Variants in GPC6 observed in about 807,000 individuals in gnomAD.
GPC6 encodes glypican 6.
GPC6 carries 14 observed loss-of-function variants against 55.2 expected under a neutral mutation model. The observed-to-expected ratio is 0.25, with a 90% CI of 0.17 to 0.40. The LOEUF is 0.40. GPC6 is among the 10% of genes least tolerant of loss of function. The pLI, the probability that GPC6 is intolerant of heterozygous loss-of-function variation, is 1.00. For synonymous variants in GPC6, 278 were observed against 259.6 expected (o/e 1.07, Z -0.68); for missense variants, 641 against 708.5 (o/e 0.90, Z 1.08).
At chr13:94,089,839 T>A (rs1429523088) in intron 4 of GPC6, among the ~76,000 whole-genome samples, 1 of 152,050 alleles carries the variant, frequency 6.6e-6, no homozygotes, top group Non-Finnish European at 1.5e-5. Flanking sequence ...CAAATAAATT[T>A]TAGCAAGCAG....
At chr13:94,029,931 TG>T (rs1883048288) in intron 4 of GPC6, among the ~76,000 whole-genome samples, 1 of 152,114 alleles carries the variant, frequency 6.6e-6, no homozygotes, top group South Asian at 2.1e-4. Flanking sequence ...TATGTGTTGC[TG>T]GATGTACTTT....
chr13:94,025,068 A>T (rs1434014159), intron 3 of GPC6, among the ~76,000 whole-genome samples: 1 of 152,246 alleles, frequency 6.6e-6, no homozygotes, highest in Non-Finnish European at 1.5e-5. Flanking sequence ...TCTCAAATTT[A>T]TATCCCCAAT....
At chr13:94,152,102 T>C (rs375612430) in intron 4 of GPC6, among the ~76,000 whole-genome samples, 2 of 152,282 alleles carry the variant, frequency 1.3e-5, no homozygotes, top group African/African-American at 4.8e-5. Flanking sequence ...TGAATTTGAA[T>C]AATGCAGGTA....
chr13:93,432,991 AAAAG>A (rs1877424829), intron 1 of GPC6, among the ~76,000 whole-genome samples: 1 of 152,058 alleles, frequency 6.6e-6, no homozygotes, highest in Non-Finnish European at 1.5e-5. Context: ...AGAAGAGAGA[AAAAG>A]AAAGACTCTC....
At chr13:94,246,668 T>C (rs1594094437) in intron 4 of GPC6, among the ~76,000 whole-genome samples, 1 of 152,126 alleles carries the variant, frequency 6.6e-6, no homozygotes, top group East Asian at 1.9e-4. Flanking sequence ...TAGTTGATTA[T>C]ATATGTTTAA....
chr13:93,782,643 T>C (rs750939141), intron 2 of GPC6, among the ~76,000 whole-genome samples: 5 of 152,166 alleles, frequency 3.3e-5, no homozygotes, highest in Non-Finnish European at 5.9e-5. Context: ...TGAAGCGATA[T>C]CTCATGGATT....
intron 2 of GPC6, among the ~76,000 whole-genome samples, chr13:93,738,752 A>G (rs1884088182): frequency 6.6e-6 from 1 of 152,130 alleles, no homozygotes; most frequent in Non-Finnish European, 1.5e-5. Context: ...AAAGAAAGAA[A>G]AACAAATTTG....
chr13:93,361,565 CGT>C (rs1283778079), intron 1 of GPC6, among the ~76,000 whole-genome samples: 1 of 152,054 alleles, frequency 6.6e-6, no homozygotes, highest in Non-Finnish European at 1.5e-5. Context: ...CATTTAAAAA[CGT>C]GTATTTTCTA....
chr13:94,358,088 G>A (rs765793735), intron 6 of GPC6, among the ~76,000 whole-genome samples: 19 of 152,032 alleles, frequency 1.2e-4, no homozygotes, highest in Non-Finnish European at 1.0e-4. Flanking sequence ...TCAGGAGTTC[G>A]AGACCAGCCT....
At chr13:93,248,763 C>G (rs1594051799) in intron 1 of GPC6, among the ~76,000 whole-genome samples, 1 of 152,210 alleles carries the variant, frequency 6.6e-6, no homozygotes, top group African/African-American at 2.4e-5. Context: ...AGGTGCACCA[C>G]CTTCAACCGC....
chr13:93,301,379 A>G (rs889067532), intron 1 of GPC6, among the ~76,000 whole-genome samples: 2 of 152,210 alleles, frequency 1.3e-5, no homozygotes, highest in South Asian at 4.1e-4. Context: ...TAGGACCAAT[A>G]TATGTGCTTG....
chr13:93,363,106 C>G (rs1435917483), intron 1 of GPC6, among the ~76,000 whole-genome samples: 1 of 135,306 alleles, frequency 7.4e-6, no homozygotes, highest in Admixed American at 7.5e-5. Flanking sequence ...TTTTTTCTTT[C>G]CTTTTTTTTT....
At chr13:94,325,503 G>A (rs999035901) in intron 6 of GPC6, among the ~76,000 whole-genome samples, 10 of 152,278 alleles carry the variant, frequency 6.6e-5, no homozygotes, top group East Asian at 5.8e-4. Flanking sequence ...TTTTATAAGC[G>A]CTTCCTATAT....
At chr13:93,573,986 A>T (rs187992342) in intron 2 of GPC6, among the ~76,000 whole-genome samples, 1 of 152,284 alleles carries the variant, frequency 6.6e-6, no homozygotes, top group African/African-American at 2.4e-5. Flanking sequence ...TGGTCATAAT[A>T]ACACCCGATT....
chr13:93,843,099 A>T (rs1462669047), intron 3 of GPC6, among the ~76,000 whole-genome samples: 3 of 142,596 alleles, frequency 2.1e-5, no homozygotes. Flanking sequence ...TTTTTTAAGT[A>T]CTCCTATATC....
intron 2 of GPC6, among the ~76,000 whole-genome samples, chr13:93,612,230 T>G (rs1878500291): frequency 6.6e-6 from 1 of 152,192 alleles, no homozygotes; most frequent in East Asian, 1.9e-4. Context: ...CTGGGCGCGG[T>G]GGCTCACGCC....
At chr13:93,765,831 A>T (rs1270738715) in intron 2 of GPC6, among the ~76,000 whole-genome samples, 1 of 152,270 alleles carries the variant, frequency 6.6e-6, no homozygotes, top group African/African-American at 2.4e-5. Context: ...GCCTCCAAGA[A>T]TAACATGGAG....
chr13:94,215,975 CA>C (rs1890213924), intron 4 of GPC6, among the ~76,000 whole-genome samples: 1 of 107,324 alleles, frequency 9.3e-6, no homozygotes, highest in Non-Finnish European at 2.0e-5. Context: ...CTGCGTATTT[CA>C]AATATGTTTT....
At chr13:94,099,724 C>T (rs896696404) in intron 4 of GPC6, among the ~76,000 whole-genome samples, 16 of 151,952 alleles carry the variant, frequency 1.1e-4, no homozygotes, top group African/African-American at 3.1e-4. Flanking sequence ...ATCTTGGGAC[C>T]GGGCTCTTAT....
Sources: gnomAD v4.1 joint callset for allele counts (sites outside exome capture counted in the v4.1 genomes callset) on GRCh38, gnomAD v4.1.1 for gene constraint, MANE v1.5 for transcripts, NCBI Gene and HGNC (gene_info 2026-07-23, HGNC 2026-07-21) for gene names.